Variants in PLCB1 observed in about 807,000 individuals in gnomAD.
PLCB1 encodes the protein 1-phosphatidylinositol 4,5-bisphosphate phosphodiesterase beta-1.
In PLCB1, 46 loss-of-function variants were observed where a neutral mutation model predicts 161.8. The observed-to-expected ratio is 0.28, with a 90% CI of 0.22 to 0.36. The LOEUF (loss-of-function observed/expected upper bound fraction) is 0.36. PLCB1 is among the 10% of genes least tolerant of loss of function. The pLI is 1.00. For missense variants in PLCB1, 1,016 were observed against 1,472.5 expected (o/e 0.69, Z 5.07); for synonymous variants, 517 against 503.7 (o/e 1.03, Z -0.35).
intron 25 of PLCB1, among the ~76,000 whole-genome samples, chr20:8,764,688 C>T (rs559428615): frequency 6.6e-6 from 1 of 152,248 alleles, no homozygotes; most frequent in South Asian, 2.1e-4. Context: ...TGCCTTCTTG[C>T]CTCAAGATGA....
intron 3 of PLCB1, among the ~76,000 whole-genome samples, chr20:8,537,464 A>G (rs1409673625): frequency 6.6e-6 from 1 of 152,212 alleles, no homozygotes; most frequent in South Asian, 2.1e-4. Context: ...CTATCTATAT[A>G]GGGAGACTGC....
At chr20:8,766,511 G>T (rs1227851206) in intron 26 of PLCB1, among the ~76,000 whole-genome samples, 1 of 152,196 alleles carries the variant, frequency 6.6e-6, no homozygotes, top group Non-Finnish European at 1.5e-5. Flanking sequence ...CAAAGTGGGT[G>T]AAACATTGTA....
At chr20:8,279,394 G>C (rs939149929) in intron 2 of PLCB1, among the ~76,000 whole-genome samples, 1 of 152,152 alleles carries the variant, frequency 6.6e-6, no homozygotes, top group Non-Finnish European at 1.5e-5. Context: ...AAATATTGTA[G>C]GATTAAAATA....
chr20:8,402,165 A>G (rs1312795454), intron 3 of PLCB1, among the ~76,000 whole-genome samples: 1 of 152,124 alleles, frequency 6.6e-6, no homozygotes, highest in Non-Finnish European at 1.5e-5. Context: ...TTTTATTTAC[A>G]TTTATATTAA....
intron 8 of PLCB1, 73 bp downstream of exon 8, chr20:8,657,357 A>G: frequency 1.2e-6 from 1 of 865,802 alleles, no homozygotes; most frequent in Non-Finnish European, 2.0e-6. Flanking sequence ...CAGGACTTGG[A>G]GTGGTAATTG....
intron 31 of PLCB1, among the ~76,000 whole-genome samples, chr20:8,807,752 G>A (rs1391180569): frequency 1.3e-5 from 2 of 152,186 alleles, no homozygotes; most frequent in East Asian, 3.9e-4. Context: ...CAGGGCAGTA[G>A]CAACTAGCCA....
intron 3 of PLCB1, among the ~76,000 whole-genome samples, chr20:8,425,130 G>GTT (rs10629165): frequency 0.53 from 74,475 of 140,158 alleles, 20,737 homozygotes; most frequent in East Asian, 0.69. Context: ...ATTCTGAGGT[G>GTT]TTTTTTTTTT....
At chr20:8,765,917 G>A (rs113986200) in intron 26 of PLCB1, among the ~76,000 whole-genome samples, 1 of 152,102 alleles carries the variant, frequency 6.6e-6, no homozygotes, top group Non-Finnish European at 1.5e-5. Context: ...GGCCTCAAGC[G>A]ATCTGCCTGC....
At chr20:8,718,314 C>G (rs1457063639) in intron 14 of PLCB1, among the ~76,000 whole-genome samples, 1 of 152,208 alleles carries the variant, frequency 6.6e-6, no homozygotes, top group Non-Finnish European at 1.5e-5. Flanking sequence ...TCTCTTGCTG[C>G]TACAAACTTA....
At chr20:8,472,199 G>C (rs1982081765) in intron 3 of PLCB1, among the ~76,000 whole-genome samples, 1 of 152,158 alleles carries the variant, frequency 6.6e-6, no homozygotes. Context: ...ATAGATACTT[G>C]ATTGTAAAGA....
At chr20:8,340,716 G>A (rs960206216) in intron 2 of PLCB1, among the ~76,000 whole-genome samples, 4 of 152,128 alleles carry the variant, frequency 2.6e-5, no homozygotes, top group Non-Finnish European at 5.9e-5. Context: ...GAGCCACCGC[G>A]CCCGGCCAAA....
chr20:8,175,335 A>G (rs1299331656), intron 2 of PLCB1, among the ~76,000 whole-genome samples: 2 of 152,220 alleles, frequency 1.3e-5, no homozygotes, highest in Non-Finnish European at 2.9e-5. Context: ...ACCTAGATAT[A>G]GACCCATACA....
chr20:8,682,958 A>T (rs1376210772), intron 9 of PLCB1, among the ~76,000 whole-genome samples: 6 of 152,158 alleles, frequency 3.9e-5, no homozygotes, highest in African/African-American at 1.4e-4. Flanking sequence ...AATGTCATTT[A>T]TACTAGTGAA....
chr20:8,550,573 C>A (rs530740675), intron 3 of PLCB1, among the ~76,000 whole-genome samples: 1 of 152,120 alleles, frequency 6.6e-6, no homozygotes, highest in Admixed American at 6.6e-5. Flanking sequence ...TCAATTAAGC[C>A]TCTTTTCTTT....
At chr20:8,496,926 A>C (rs1459881244) in intron 3 of PLCB1, among the ~76,000 whole-genome samples, 2 of 152,212 alleles carry the variant, frequency 1.3e-5, no homozygotes, top group Admixed American at 1.3e-4. Context: ...TTACAGGTGG[A>C]GGAACTGAGT....
At chr20:8,223,447 T>A (rs1979521771) in intron 2 of PLCB1, among the ~76,000 whole-genome samples, 1 of 152,148 alleles carries the variant, frequency 6.6e-6, no homozygotes, top group African/African-American at 2.4e-5. Flanking sequence ...TTTTTAGTTT[T>A]TTTTCTCTCT....
At chr20:8,794,104 T>G (rs1009785935) in intron 31 of PLCB1, among the ~76,000 whole-genome samples, 1 of 152,232 alleles carries the variant, frequency 6.6e-6, no homozygotes, top group Non-Finnish European at 1.5e-5. Context: ...TGCTGTTGTC[T>G]TGGTCTTTTT....
intron 17 of PLCB1, 39 bp from the exon 18 acceptor site, chr20:8,729,011 T>C (rs1240449123): frequency 3.6e-6 from 5 of 1,408,298 alleles, no homozygotes; most frequent in Non-Finnish European, 4.8e-6. Flanking sequence ...TGACTAAATA[T>C]TTTTATAATT....
chr20:8,476,094 C>A (rs1457104095), intron 3 of PLCB1, among the ~76,000 whole-genome samples: 1 of 152,170 alleles, frequency 6.6e-6, no homozygotes, highest in Non-Finnish European at 1.5e-5. Flanking sequence ...CGGCACCAAC[C>A]AAAACACTGT....
Sources: gnomAD v4.1 joint callset for allele counts (sites outside exome capture counted in the v4.1 genomes callset) on GRCh38, gnomAD v4.1.1 for gene constraint, MANE v1.5 for transcripts, NCBI Gene and HGNC (gene_info 2026-07-23, HGNC 2026-07-21) for gene names.